PPP3R1: variants seen among roughly 807,000 people sequenced by gnomAD.
The protein encoded by PPP3R1 is protein phosphatase 3 regulatory subunit B, alpha.
PPP3R1 carries 5 observed loss-of-function variants against 22.6 expected under a neutral mutation model. That is an observed-to-expected ratio of 0.22 (90% CI 0.12 to 0.46). PPP3R1 has a LOEUF of 0.46. Among genes scored for constraint, PPP3R1 ranks in the 20% least tolerant of loss-of-function variants. The probability of loss-of-function intolerance (pLI) is 0.99; values close to 1 mark genes in which losing one functional copy is unlikely to be tolerated. For synonymous variants in PPP3R1, 56 were observed against 65.2 expected, an observed-to-expected ratio of 0.86 and a Z score of 0.68; for missense variants, 61 against 203.2, an observed-to-expected ratio of 0.30 and a Z score of 4.25.
rs547156226 is a variant in PPP3R1, at chr2:68,194,377, G to A, written c.44-5687C>T. On this transcript the variant is annotated intron_variant, in intron 2 of 5. Coordinates refer to ENST00000234310, the MANE Select transcript of PPP3R1 (RefSeq NM_000945.4). ...AAGTGACTTCAAGAATCTTGTTAAT[G>A]TTACTACATGAAAGTATTAAGAACT... Among the ~76,000 whole-genome samples the A allele has an allele frequency of 3.9e-5, 6 of 152,176 alleles. No individual in the cohort carries two copies. The East Asian group carries it at 1.2e-3, about 29-fold the overall frequency.
intron 1 of PPP3R1, among the ~76,000 whole-genome samples, chr2:68,242,719 G>A (rs1670158814): frequency 6.6e-6 from 1 of 152,080 alleles, no homozygotes; most frequent in Non-Finnish European, 1.5e-5. Context: ...TGCCTTACAA[G>A]AAATACTAGA....
chr2:68,199,876 A>G (rs1558631693), intron 2 of PPP3R1, among the ~76,000 whole-genome samples: 1 of 152,266 alleles, frequency 6.6e-6, no homozygotes, highest in African/African-American at 2.4e-5. Flanking sequence ...ATTCTCAAAT[A>G]ATGTTGGTTT....
At chr2:68,239,424 A>C (rs902192230) in intron 1 of PPP3R1, among the ~76,000 whole-genome samples, 2 of 152,220 alleles carry the variant, frequency 1.3e-5, no homozygotes, top group African/African-American at 4.8e-5. Flanking sequence ...TGACTGTACA[A>C]GGTTTCCAGG....
chr2:68,252,152 C>T lies in PPP3R1; in HGVS notation c.-25G>A. On this transcript the variant is annotated 5_prime_UTR_variant, in exon 1 of 6. Coordinates refer to ENST00000234310, the MANE Select transcript of PPP3R1 (RefSeq NM_000945.4). ...TTTTGCTCGGCGGGTCGGCGGCTCGCTGGCTCGCTGGCTCGGAGAAGTGTT... is the reference window on the plus strand; with the variant it reads ...TTTTGCTCGGCGGGTCGGCGGCTCGTTGGCTCGCTGGCTCGGAGAAGTGTT... 3 of 1,388,564 alleles carry T rather than the reference C, an allele frequency of 2.2e-6. No individual in the cohort carries two copies. Among genetic ancestry groups the T allele is most frequent in the South Asian group, 2.8e-5 (2 of 71,342 alleles). The allele number at this position is 1,388,564 out of a possible 1,614,324, so 86.0% of individuals were successfully genotyped here. A position where few individuals can be genotyped will look rare whatever the true frequency, so the allele number is the denominator to read the frequency against.
chr2:68,195,262 A>T (rs1484680332), intron 2 of PPP3R1, among the ~76,000 whole-genome samples: 1 of 152,144 alleles, frequency 6.6e-6, no homozygotes, highest in Non-Finnish European at 1.5e-5. Flanking sequence ...CTTATGATCC[A>T]GTATTTTGTA....
Position 68,227,388 on chromosome 2 carries a change from A to T in PPP3R1, c.4-10257T>A, listed in dbSNP as rs534050861. 5.9e-4 allele frequency among the ~76,000 whole-genome samples: 90 copies of T among 152,132 alleles called. 1 individual carries two copies. In the South Asian group the frequency reaches 0.014, roughly 23 times the overall value. ...TAATGTAATTATCATAATGAAATTA[A>T]TTTTTTCTAGGGTAAAGTCACTGAC... On this transcript the variant is annotated intron_variant, in intron 1 of 5. Coordinates refer to ENST00000234310, the MANE Select transcript of PPP3R1 (RefSeq NM_000945.4).
At chr2:68,206,709 A>G (rs1273513880) in intron 2 of PPP3R1, among the ~76,000 whole-genome samples, 2 of 152,164 alleles carry the variant, frequency 1.3e-5, no homozygotes, top group Non-Finnish European at 1.5e-5. Flanking sequence ...GTAATAGTTT[A>G]CCCATACTGT....
At chr2:68,217,019 CA>C (rs1669591947) in intron 2 of PPP3R1, 72 bp downstream of exon 2, 2 of 1,030,242 alleles carry the variant, frequency 1.9e-6, no homozygotes, top group South Asian at 3.1e-5. Flanking sequence ...GATACACACA[CA>C]CACACACACA....
intron 1 of PPP3R1, among the ~76,000 whole-genome samples, chr2:68,228,130 A>G (rs568660052): frequency 6.6e-6 from 1 of 152,142 alleles, no homozygotes; most frequent in African/African-American, 2.4e-5. Context: ...ATTTCCCTCT[A>G]TATTTTTCTA....
At chr2:68,240,529 T>C (rs1373177143) in intron 1 of PPP3R1, among the ~76,000 whole-genome samples, 1 of 152,208 alleles carries the variant, frequency 6.6e-6, no homozygotes. Flanking sequence ...ACTAATCAAT[T>C]ATGTGCTACA....
At chr2:68,190,683 A>G (rs1214668696) in intron 2 of PPP3R1, among the ~76,000 whole-genome samples, 2 of 152,214 alleles carry the variant, frequency 1.3e-5, no homozygotes, top group Admixed American at 6.5e-5. Flanking sequence ...AAGTCTTTCT[A>G]AAATTGTTAT....
intron 1 of PPP3R1, among the ~76,000 whole-genome samples, chr2:68,220,630 G>A (rs961369305): frequency 6.6e-6 from 1 of 152,050 alleles, no homozygotes; most frequent in African/African-American, 2.4e-5. Context: ...TTCTTTAAAG[G>A]AATAAAACAA....
intron 2 of PPP3R1, among the ~76,000 whole-genome samples, chr2:68,202,995 C>T (rs991241512): frequency 2.0e-5 from 3 of 151,774 alleles, no homozygotes; most frequent in Admixed American, 6.6e-5. Context: ...TATTAAAAAC[C>T]GTCTGTAACA....
At chr2:68,222,014 G>C (rs1669695721) in intron 1 of PPP3R1, among the ~76,000 whole-genome samples, 1 of 151,958 alleles carries the variant, frequency 6.6e-6, no homozygotes, top group African/African-American at 2.4e-5. Flanking sequence ...AATGATACCA[G>C]ATGGAAAGCT....
chr2:68,252,109 G>T lies in PPP3R1; in HGVS notation c.3+16C>A. ...GTAGGGGGAGGGATGGTGCATCGAG[G>T]AAGCCAAGGTCTCACCATTTTGCTC... is the stretch of plus-strand genomic sequence containing the variant. On this transcript the variant is annotated intron_variant, in intron 1 of 5. Coordinates refer to ENST00000234310, the MANE Select transcript of PPP3R1 (RefSeq NM_000945.4). The T allele has an allele frequency of 1.4e-6, 2 of 1,433,358 alleles. No homozygotes were observed. Among genetic ancestry groups the T allele is most frequent in the Non-Finnish European group, 1.9e-6 (2 of 1,072,674 alleles). The allele number at this position is 1,433,358 out of a possible 1,614,324, so 88.8% of individuals were successfully genotyped here.
intron 1 of PPP3R1, among the ~76,000 whole-genome samples, chr2:68,249,592 C>T (rs1005058225): frequency 1.3e-5 from 2 of 151,890 alleles, no homozygotes; most frequent in East Asian, 1.9e-4. Context: ...ATATAAAACA[C>T]CTCGTTCAGG....
intron 1 of PPP3R1, among the ~76,000 whole-genome samples, chr2:68,222,249 T>A (rs1418401327): frequency 6.6e-6 from 1 of 152,208 alleles, no homozygotes; most frequent in Non-Finnish European, 1.5e-5. Flanking sequence ...TGTATCATTA[T>A]TTGAAGGTAC....
In PPP3R1 at chr2:68,204,485, T is replaced by C. The variant is rs77185903; in HGVS notation, c.43+12607A>G. 5.8e-4 allele frequency among the ~76,000 whole-genome samples: 89 copies of C among 152,264 alleles called. 1 individual carries two copies. Among genetic ancestry groups the C allele is most frequent in the African/African-American group, 1.9e-3 (78 of 41,554 alleles). ...CTATATAATACTATGATTAAAAATATTGACTATGAAACATGATGGCCTAAG... is the reference window on the plus strand; with the variant it reads ...CTATATAATACTATGATTAAAAATACTGACTATGAAACATGATGGCCTAAG... On this transcript the variant is annotated intron_variant, in intron 2 of 5. Transcript: ENST00000234310.
chr2:68,251,650 G>GT (rs5831921), intron 1 of PPP3R1, among the ~76,000 whole-genome samples: 68,862 of 151,942 alleles, frequency 0.45, 15,905 homozygotes, highest in South Asian at 0.62. Flanking sequence ...GCTCTGGAGA[G>GT]TAAGTGGGTC....
Sources: allele counts gnomAD v4.1 joint callset (sites outside exome capture counted in the v4.1 genomes callset), GRCh38; gene constraint gnomAD v4.1.1; transcripts MANE v1.5; gene names NCBI Gene and HGNC (gene_info 2026-07-23, HGNC 2026-07-21).